Variants in CLRN1 observed in about 807,000 individuals in gnomAD.
The protein encoded by CLRN1 is clarin-1.
In CLRN1, 15 loss-of-function variants were observed where a neutral mutation model predicts 18.7. The observed-to-expected ratio is 0.80, with a 90% CI of 0.54 to 1.23. CLRN1 has a LOEUF of 1.23. Ranked by LOEUF, CLRN1 falls within the 50% of genes most tolerant of loss-of-function variation. The pLI is 0.00. For synonymous variants in CLRN1, 104 were observed against 102.9 expected (o/e 1.01, Z -0.07); for missense variants, 311 against 277.5 (o/e 1.12, Z -0.86).
intron 2 of CLRN1, 167 bp downstream of exon 2, chr3:150,941,415 C>T (rs1238325722): frequency 1.5e-6 from 1 of 663,720 alleles, no homozygotes; most frequent in Non-Finnish European, 2.6e-6. Context: ...TATTGAATTC[C>T]CTACTGTTGA....
At chr3:150,947,603 T>A (rs1338729383) in intron 1 of CLRN1, among the ~76,000 whole-genome samples, 1 of 152,174 alleles carries the variant, frequency 6.6e-6, no homozygotes, top group Non-Finnish European at 1.5e-5. Context: ...GAATATACAT[T>A]CTTCTCATCA....
intron 2 of CLRN1, chr3:150,940,577 T>A (rs1402463031): frequency 8.8e-6 from 13 of 1,484,842 alleles, no homozygotes; most frequent in African/African-American, 1.4e-5. Flanking sequence ...TTGCTTTGTG[T>A]GAGTTGTTAT....
chr3:150,954,514 A>G (rs1279851726), intron 1 of CLRN1, among the ~76,000 whole-genome samples: 2 of 152,220 alleles, frequency 1.3e-5, no homozygotes, highest in Admixed American at 1.3e-4. Context: ...TGCTGGATAC[A>G]AACCCTTTAT....
chr3:150,951,253 A>G (rs996370648), intron 1 of CLRN1, among the ~76,000 whole-genome samples: 5 of 152,122 alleles, frequency 3.3e-5, no homozygotes, highest in African/African-American at 1.2e-4. Context: ...CAAACGTAAA[A>G]GTTTTTTAAA....
chr3:150,935,892 C>T (rs1377114546), intron 2 of CLRN1, among the ~76,000 whole-genome samples: 28 of 146,256 alleles, frequency 1.9e-4, no homozygotes, highest in African/African-American at 7.0e-4. Context: ...TCTCTGATGG[C>T]CAGTGATGGT....
In CLRN1 at chr3:150,951,629, C is replaced by T. The variant is rs188428969; in HGVS notation, c.254-9868G>A. On this transcript the variant is annotated intron_variant, in intron 1 of 2. Coordinates refer to ENST00000327047, the MANE Select transcript of CLRN1 (RefSeq NM_174878.3). ...CTGAGATTACAGGTGTCAGTCACCGCGCCCGGCCTGAGACTGGGTAATTTA... is the reference window on the plus strand; with the variant it reads ...CTGAGATTACAGGTGTCAGTCACCGTGCCCGGCCTGAGACTGGGTAATTTA... 2.6e-3 allele frequency among the ~76,000 whole-genome samples: 396 copies of T among 152,262 alleles called. 3 individuals are homozygous for T. Among genetic ancestry groups the T allele is most frequent in the African/African-American group, 8.8e-3 (366 of 41,538 alleles).
Position 150,928,165 on chromosome 3 carries a change from G to T in CLRN1, c.470C>A (p.Ser157Tyr). The change falls in exon 3 of 3, where the codon TCT becomes TAT. Residue 157 changes from serine to tyrosine, a missense_variant. By Grantham distance (144) the Ser-to-Tyr change is moderately radical. Coordinates refer to ENST00000327047, the MANE Select transcript of CLRN1 (RefSeq NM_174878.3). The stretch of plus-strand genomic sequence containing the variant: ...TGAGAGGTGATGGATTTTCACTTCA[G>T]AGGCAAACAATATCATGACAAGACA... ...CGCLVMILFA[S>Y]EVKIHHLSEK... The T allele has an allele frequency of 6.2e-7, 1 of 1,614,056 alleles. No individual in the cohort carries two copies. Among genetic ancestry groups the T allele is most frequent in the Non-Finnish European group, 8.5e-7 (1 of 1,180,016 alleles).
At chr3:150,929,168 A>G (rs911077770) in intron 2 of CLRN1, among the ~76,000 whole-genome samples, 4 of 152,212 alleles carry the variant, frequency 2.6e-5, no homozygotes, top group African/African-American at 9.7e-5. Context: ...CCCCTCATCT[A>G]TCACTCATTG....
chr3:150,936,458 T>C (rs568810384), intron 2 of CLRN1, among the ~76,000 whole-genome samples: 1 of 152,252 alleles, frequency 6.6e-6, no homozygotes, highest in Admixed American at 6.5e-5. Flanking sequence ...TCCCCACCCC[T>C]TTCTTGCCCT....
chr3:150,936,829 C>T (rs1713518866), intron 2 of CLRN1, among the ~76,000 whole-genome samples: 1 of 152,132 alleles, frequency 6.6e-6, no homozygotes, highest in South Asian at 2.1e-4. Flanking sequence ...GCCACATTGG[C>T]CTTCTTTCGG....
intron 1 of CLRN1, among the ~76,000 whole-genome samples, chr3:150,956,606 G>GT (rs932215635): frequency 6.6e-6 from 1 of 152,146 alleles, no homozygotes; most frequent in African/African-American, 2.4e-5. Context: ...ACAGAGCTGA[G>GT]TAAGTCGTAA....
chr3:150,962,861 T>A (rs1236982698), intron 1 of CLRN1, among the ~76,000 whole-genome samples: 1 of 152,224 alleles, frequency 6.6e-6, no homozygotes, highest in Non-Finnish European at 1.5e-5. Flanking sequence ...ACTTGGCTAT[T>A]TTACCTTGCA....
intron 1 of CLRN1, among the ~76,000 whole-genome samples, chr3:150,969,115 A>T (rs1408829444): frequency 1.3e-5 from 2 of 151,568 alleles, no homozygotes; most frequent in Admixed American, 1.3e-4. Context: ...CGTCAAGAAA[A>T]AAAAAAACAA....
At chr3:150,957,269 A>AC (rs1485086529) in intron 1 of CLRN1, among the ~76,000 whole-genome samples, 1 of 142,812 alleles carries the variant, frequency 7.0e-6, no homozygotes, top group Non-Finnish European at 1.5e-5. Context: ...ACACACACAC[A>AC]CACCACCCCA....
chr3:150,926,518 GTCT>G, downstream of CLRN1: 1 of 468,170 alleles, frequency 2.1e-6, no homozygotes. Context: ...CTGAATTGTA[GTCT>G]TCTAGAAATT....
intron 1 of CLRN1, among the ~76,000 whole-genome samples, chr3:150,968,814 C>T (rs1715385637): frequency 6.6e-6 from 1 of 152,096 alleles, no homozygotes; most frequent in Non-Finnish European, 1.5e-5. Context: ...ATACAGTAGC[C>T]ATAAAAATGA....
chr3:150,968,247 A>G (rs548649760), intron 1 of CLRN1, among the ~76,000 whole-genome samples: 5 of 152,262 alleles, frequency 3.3e-5, no homozygotes, highest in Non-Finnish European at 7.4e-5. Context: ...AAACCCACCC[A>G]CACACACTGA....
At chr3:150,936,411 C>T (rs1713490914) in intron 2 of CLRN1, among the ~76,000 whole-genome samples, 1 of 152,060 alleles carries the variant, frequency 6.6e-6, no homozygotes, top group Non-Finnish European at 1.5e-5. Flanking sequence ...CTCGATGTGC[C>T]CCAAATGGAA....
chr3:150,969,325 T>A (rs1421770520), intron 1 of CLRN1, among the ~76,000 whole-genome samples: 9 of 99,164 alleles, frequency 9.1e-5, no homozygotes, highest in African/African-American at 3.9e-4. Context: ...TTTTTTTTTT[T>A]TTTTTTTTTT....
Sources: gnomAD v4.1 joint callset for allele counts (sites outside exome capture counted in the v4.1 genomes callset) on GRCh38, gnomAD v4.1.1 for gene constraint, MANE v1.5 for transcripts, NCBI Gene and HGNC (gene_info 2026-07-23, HGNC 2026-07-21) for gene names.